TEKTL1: variants seen among roughly 807,000 people sequenced by gnomAD.
The protein encoded by TEKTL1 is tektin like 1.
At chr19:15,014,630 G>A in the TEKTL1 span, among the ~76,000 whole-genome samples, 1 of 150,234 alleles carries the variant, frequency 6.7e-6, no homozygotes, top group African/African-American at 2.4e-5. Flanking sequence ...ACGTAGCAAA[G>A]CTCAGTAAGG....
chr19:15,020,684 T>C, the TEKTL1 span: 1 of 1,581,794 alleles, frequency 6.3e-7, no homozygotes, highest in South Asian at 1.1e-5. Flanking sequence ...TACTGGGTCG[T>C]ATTGGTGCCC....
the TEKTL1 span, chr19:15,011,066 G>C: frequency 1.9e-6 from 3 of 1,576,696 alleles, no homozygotes; most frequent in Non-Finnish European, 2.6e-6. Flanking sequence ...GATCAAAGGC[G>C]GCGGCACCTT....
At chr19:15,021,521 TGAGCGCATTACCTGC>T in the TEKTL1 span, 1 of 1,613,942 alleles carries the variant, frequency 6.2e-7, no homozygotes, top group African/African-American at 1.3e-5. Flanking sequence ...GAGCTGAAGG[TGAGCGCATTACCTGC>T]GGCTGCGGGC....
At chr19:15,011,155 G>A in the TEKTL1 span, 1 of 1,526,848 alleles carries the variant, frequency 6.5e-7, no homozygotes, top group Admixed American at 2.2e-5. Context: ...CCCGCCTGCC[G>A]CTACCCTTGC....
the TEKTL1 span, chr19:15,011,382 C>A: frequency 2.1e-6 from 3 of 1,436,534 alleles, no homozygotes; most frequent in East Asian, 5.5e-5. Flanking sequence ...GGCTACAGGC[C>A]CAAGTCTGAG....
At chr19:15,021,326 C>T in the TEKTL1 span, 2 of 1,609,454 alleles carry the variant, frequency 1.2e-6, no homozygotes, top group East Asian at 4.5e-5. Flanking sequence ...GACTTGGCAC[C>T]CCCACGCGCA....
the TEKTL1 span, chr19:15,013,923 AT>A: frequency 8.1e-6 from 5 of 613,624 alleles, no homozygotes; most frequent in Non-Finnish European, 1.4e-5. Flanking sequence ...GCTTTGTGAA[AT>A]GGAAAAAGGG....
the TEKTL1 span, chr19:15,010,901 C>G: frequency 3.2e-6 from 5 of 1,569,514 alleles, no homozygotes; most frequent in Admixed American, 1.8e-5. Context: ...CGAGGCAGCT[C>G]AGGCCATGGC....
At chr19:15,021,728 G>A in the TEKTL1 span, 1 of 1,613,530 alleles carries the variant, frequency 6.2e-7, no homozygotes, top group Middle Eastern at 1.7e-4. Flanking sequence ...TTCGGGGTGA[G>A]AGCCTTCGGG....
At chr19:15,020,936 A>G in the TEKTL1 span, among the ~76,000 whole-genome samples, 1 of 150,256 alleles carries the variant, frequency 6.7e-6, no homozygotes, top group African/African-American at 2.5e-5. Flanking sequence ...CTGGAGTGCA[A>G]TGGCCTGATC....
the TEKTL1 span, chr19:15,023,215 C>T: frequency 2.7e-6 from 3 of 1,102,102 alleles, no homozygotes; most frequent in Non-Finnish European, 3.8e-6. Flanking sequence ...TCCCCTGACG[C>T]ACCCTCCCTC....
the TEKTL1 span, chr19:15,022,885 G>A: frequency 1.3e-6 from 2 of 1,595,686 alleles, no homozygotes; most frequent in Non-Finnish European, 1.7e-6. Flanking sequence ...CCGACAAGCT[G>A]CAGTGCCACA....
the TEKTL1 span, chr19:15,013,926 G>T: frequency 1.6e-6 from 1 of 610,730 alleles, no homozygotes. Context: ...TTGTGAAATG[G>T]AAAAAGGGAG....
chr19:15,021,749 G>A, the TEKTL1 span: 2 of 1,612,266 alleles, frequency 1.2e-6, no homozygotes, highest in Admixed American at 3.3e-5. Flanking sequence ...GGTGGAGGCA[G>A]GGGTGCCGGT....
the TEKTL1 span, chr19:15,021,555 G>A: frequency 6.2e-7 from 1 of 1,613,614 alleles, no homozygotes; most frequent in Admixed American, 1.7e-5. Context: ...GCCAGGGTGG[G>A]ACAGGGGAGG....
the TEKTL1 span, chr19:15,010,840 AC>A: frequency 3.9e-6 from 6 of 1,541,382 alleles, no homozygotes; most frequent in Non-Finnish European, 5.2e-6. Flanking sequence ...GCGTGTTGGT[AC>A]CCCCGGCTGA....
At chr19:15,011,381 C>A in the TEKTL1 span, 3 of 1,437,416 alleles carry the variant, frequency 2.1e-6, no homozygotes, top group Non-Finnish European at 2.7e-6. Context: ...GGGCTACAGG[C>A]CCAAGTCTGA....
the TEKTL1 span, among the ~76,000 whole-genome samples, chr19:15,016,098 G>T: frequency 1.3e-5 from 2 of 151,958 alleles, no homozygotes; most frequent in African/African-American, 4.8e-5. Context: ...GAGAAGAAGG[G>T]ACAGGCTGAG....
the TEKTL1 span, among the ~76,000 whole-genome samples, chr19:15,018,572 G>T: frequency 6.7e-6 from 1 of 150,346 alleles, no homozygotes; most frequent in South Asian, 2.1e-4. Flanking sequence ...TAATTAGCCA[G>T]TGTGGTGGCA....
Sources: gnomAD v4.1 joint callset for allele counts (sites outside exome capture counted in the v4.1 genomes callset) on GRCh38, gnomAD v4.1.1 for gene constraint, MANE v1.5 for transcripts, NCBI Gene and HGNC (gene_info 2026-07-23, HGNC 2026-07-21) for gene names.